The following LRRIQ1 variants were observed in gnomAD, a reference collection of about 807,000 sequenced individuals.
The protein encoded by LRRIQ1 is leucine-rich repeat- and IQ domain-containing protein 1.
LRRIQ1 carries 210 observed loss-of-function variants against 211.9 expected under a neutral mutation model. The observed-to-expected ratio is 0.99, with a 90% CI of 0.89 to 1.11. LRRIQ1 has a LOEUF of 1.11. Ranked by LOEUF, LRRIQ1 falls within the 50% of genes most tolerant of loss-of-function variation. LRRIQ1 has a pLI of 0.00. For missense variants in LRRIQ1, 2,136 were observed against 1,939.5 expected (o/e 1.10, Z -1.90); for synonymous variants, 699 against 650.1 (o/e 1.08, Z -1.14).
At chr12:85,262,948 T>A in exon 2 of LRRIQ1, 1 of 986,824 alleles carries the variant, frequency 1.0e-6, no homozygotes, top group Non-Finnish European at 1.2e-6. Context: ...ATATCGCCAA[T>A]AATAACAAAT....
intron 13 of LRRIQ1, among the ~76,000 whole-genome samples, chr12:85,099,239 C>T (rs11835285): frequency 0.24 from 35,789 of 151,678 alleles, 4,806 homozygotes; most frequent in African/African-American, 0.34. Context: ...TATTTCTTCT[C>T]AAAGATGCAC....
intron 24 of LRRIQ1, among the ~76,000 whole-genome samples, chr12:85,175,435 C>T (rs1159621586): frequency 1.3e-5 from 2 of 151,956 alleles, no homozygotes; most frequent in African/African-American, 4.8e-5. Context: ...GAGTATTCTT[C>T]GGGCAGAAGA....
At chr12:85,185,645 G>A (rs917152991) in intron 24 of LRRIQ1, among the ~76,000 whole-genome samples, 3 of 151,904 alleles carry the variant, frequency 2.0e-5, no homozygotes, top group Admixed American at 6.6e-5. Context: ...GTGATCTGAG[G>A]TTTCTAGCAA....
At chr12:85,158,001 C>T (rs1890652177) in intron 23 of LRRIQ1, among the ~76,000 whole-genome samples, 1 of 151,764 alleles carries the variant, frequency 6.6e-6, no homozygotes, top group African/African-American at 2.4e-5. Flanking sequence ...ATAGTATAGA[C>T]AAAACTCTAC....
intron 24 of LRRIQ1, among the ~76,000 whole-genome samples, chr12:85,166,378 G>C (rs1304405728): frequency 1.3e-5 from 2 of 151,958 alleles, no homozygotes; most frequent in African/African-American, 4.8e-5. Flanking sequence ...CTTCCTATTT[G>C]TTCTTTTATA....
At chr12:85,090,912 C>T (rs140150272) in intron 11 of LRRIQ1, among the ~76,000 whole-genome samples, 2 of 152,088 alleles carry the variant, frequency 1.3e-5, no homozygotes, top group Non-Finnish European at 2.9e-5. Context: ...TTGTTCCTGC[C>T]CGAGTCTCAT....
chr12:85,164,772 AT>A (rs1392239717), intron 24 of LRRIQ1, among the ~76,000 whole-genome samples: 1 of 152,214 alleles, frequency 6.6e-6, no homozygotes, highest in Non-Finnish European at 1.5e-5. Flanking sequence ...GGAAATGGTA[AT>A]AATTTCTTTG....
At chr12:85,037,795 A>G (rs988536389) in intron 1 of LRRIQ1, among the ~76,000 whole-genome samples, 6 of 152,134 alleles carry the variant, frequency 3.9e-5, no homozygotes, top group Non-Finnish European at 7.4e-5. Flanking sequence ...AATAAAAAAC[A>G]GAACATTAAC....
At chr12:85,168,210 G>T in intron 24 of LRRIQ1, among the ~76,000 whole-genome samples, 1 of 152,010 alleles carries the variant, frequency 6.6e-6, no homozygotes, top group East Asian at 1.9e-4. Flanking sequence ...TTCCTGAAGG[G>T]GCTGGGCCAT....
intron 19 of LRRIQ1, among the ~76,000 whole-genome samples, chr12:85,142,060 ATATT>A (rs1889582570): frequency 6.6e-6 from 1 of 151,302 alleles, no homozygotes; most frequent in African/African-American, 2.4e-5. Context: ...ATTTATCTAA[ATATT>A]TATCTTCTCT....
At chr12:85,156,693 T>C (rs1409673651) in intron 23 of LRRIQ1, among the ~76,000 whole-genome samples, 2 of 151,766 alleles carry the variant, frequency 1.3e-5, no homozygotes, top group Admixed American at 6.6e-5. Flanking sequence ...TTACTAGCAG[T>C]TTTTAAATAT....
chr12:85,045,961 G>A (rs965065594), intron 4 of LRRIQ1, 59 bp from the exon 5 acceptor site: 5 of 911,178 alleles, frequency 5.5e-6, no homozygotes, highest in Non-Finnish European at 8.5e-6. Flanking sequence ...TTATTAAAAC[G>A]ACAGCTTTAC....
chr12:85,056,263 A>G lies in LRRIQ1; in HGVS notation c.1470A>G (p.Lys490=), dbSNP rs753674865. ...MEEKNENLAK[K]RCSEELVKQE... ...AAAAAAATGAAAACCTAGCAAAAAA[A>G]CGATGTTCAGAAGAATTGGTCAAGC... Residue 490 remains lysine, a synonymous_variant, in exon 8 of 27, where the codon AAA becomes AAG. Coordinates refer to ENST00000393217, the MANE Select transcript of LRRIQ1 (RefSeq NM_001079910.2). The G allele has an allele frequency of 8.3e-6, 13 of 1,575,124 alleles. No individual in the cohort carries two copies. The highest frequency in any genetic ancestry group is 4.2e-5 in the Admixed American group (2 of 47,800).
At chr12:85,068,227 A>G (rs1882655220) in intron 10 of LRRIQ1, among the ~76,000 whole-genome samples, 1 of 151,892 alleles carries the variant, frequency 6.6e-6, no homozygotes, top group Non-Finnish European at 1.5e-5. Flanking sequence ...AGGATACCAT[A>G]CTGTCCACCT....
At chr12:85,245,386 A>G (rs1401109235), downstream of LRRIQ1, among the ~76,000 whole-genome samples, 1 of 151,066 alleles carries the variant, frequency 6.6e-6, no homozygotes, top group Non-Finnish European at 1.5e-5. Context: ...AACTATTTCC[A>G]TTGCATATGT....
At chr12:85,177,317 A>T (rs1383904122) in intron 24 of LRRIQ1, among the ~76,000 whole-genome samples, 1 of 152,084 alleles carries the variant, frequency 6.6e-6, no homozygotes, top group Admixed American at 6.6e-5. Context: ...CTCTATCTAG[A>T]AGCAGGGGTT....
chr12:85,041,982 T>C (rs902243624), intron 3 of LRRIQ1, among the ~76,000 whole-genome samples: 16 of 151,954 alleles, frequency 1.1e-4, no homozygotes, highest in Admixed American at 5.9e-4. Context: ...CATGAATTGC[T>C]ATGTAAAGAT....
At chr12:85,166,165 T>C (rs1891149379) in intron 24 of LRRIQ1, among the ~76,000 whole-genome samples, 1 of 152,324 alleles carries the variant, frequency 6.6e-6, no homozygotes, top group East Asian at 1.9e-4. Context: ...TTGCTACTTC[T>C]AAAGTCAATG....
At position 85,153,086 on chromosome 12, in the gene LRRIQ1, A is replaced by T; in HGVS notation, c.4482A>T (p.Ala1494=). 6.3e-7 allele frequency: 1 copy of T among 1,588,054 alleles called. No homozygotes were observed. The highest frequency in any genetic ancestry group is 8.6e-7 in the Non-Finnish European group (1 of 1,163,228). ...ATTTACCAAGTAATCCAGCTCAAGC[A>T]TGGTTATGTAATGACAAAGAAAATT... is the stretch of plus-strand genomic sequence containing the variant. The part of the protein sequence containing the change: ...SFNLPSNPAQ[A]WLCNDKENLS... Residue 1494 remains alanine, a synonymous_variant, in exon 21 of 27, where the codon GCA becomes GCT. Coordinates refer to ENST00000393217, the MANE Select transcript of LRRIQ1 (RefSeq NM_001079910.2).
Sources: allele counts gnomAD v4.1 joint callset (sites outside exome capture counted in the v4.1 genomes callset), GRCh38; gene constraint gnomAD v4.1.1; transcripts MANE v1.5; gene names NCBI Gene and HGNC (gene_info 2026-07-23, HGNC 2026-07-21).